Variants in LETM2 observed in about 807,000 individuals in gnomAD.
LETM2 encodes leucine zipper and EF-hand containing transmembrane protein 2.
In LETM2, 58 loss-of-function variants were observed where a neutral mutation model predicts 59.6. That is an observed-to-expected ratio of 0.97 (90% CI 0.79 to 1.21). The LOEUF (loss-of-function observed/expected upper bound fraction) is 1.21. Among genes scored for constraint, LETM2 ranks in the 50% most tolerant of loss-of-function variants. LETM2 has a pLI of 0.00. For synonymous variants in LETM2, 199 were observed against 214.1 expected, an observed-to-expected ratio of 0.93 and a Z score of 0.62; for missense variants, 572 against 575.7, an observed-to-expected ratio of 0.99 and a Z score of 0.07.
Position 38,400,850 on chromosome 8 carries a change from T to C in LETM2, c.784-3T>C, listed in dbSNP as rs771682738. On this transcript the variant is annotated splice_polypyrimidine_tract_variant and splice_region_variant and intron_variant, in intron 5 of 10. Transcript: ENST00000379957. Reference sequence around the variant, plus strand: ...TAATTGGCCTTTTTGTCCCACTGCATAGGTCCAGACAGGCCACAAGCCCAG... The same window carrying C: ...TAATTGGCCTTTTTGTCCCACTGCACAGGTCCAGACAGGCCACAAGCCCAG... 1 of 1,612,800 alleles carries C rather than the reference T, an allele frequency of 6.2e-7. No individual in the cohort carries two copies. The highest frequency in any genetic ancestry group is 8.5e-7 in the Non-Finnish European group (1 of 1,179,218).
chr8:38,408,534 ACCC>A lies in LETM2; in HGVS notation c.*264_*266del. ...CCCCACTCAACTTTGTATAAAGCCC[ACCC>A]CCCATCATGTTGTTTTTTTAGTTTC... On this transcript the variant is annotated 3_prime_UTR_variant, in exon 11 of 11. Coordinates refer to ENST00000379957, the MANE Select transcript of LETM2 (RefSeq NM_001286819.2). 3 of 348,954 alleles carry A rather than the reference ACCC, an allele frequency of 8.6e-6. No individual in the cohort carries two copies. The highest frequency in any genetic ancestry group is 1.1e-5 in the Non-Finnish European group (2 of 188,440). 21.6% of individuals were successfully genotyped at this position (348,954 alleles called of 1,614,324 possible). A position where few individuals can be genotyped will look rare whatever the true frequency, so the allele number is the denominator to read the frequency against.
At chr8:38,391,195 A>C (rs528754773) in intron 2 of LETM2, among the ~76,000 whole-genome samples, 73 of 140,962 alleles carry the variant, frequency 5.2e-4, no homozygotes, top group East Asian at 4.3e-3. Flanking sequence ...AAAAAAAAAA[A>C]AAACAAAAAA....
In LETM2 at chr8:38,404,840, C is replaced by T. The variant is rs563870546; in HGVS notation, c.1218+334C>T. ...ACTAAACATACAAAAATTAGCTGGG[C>T]GTGGTGGCGGGCGCCTGTAATCCCA... is the stretch of plus-strand genomic sequence containing the variant. On this transcript the variant is annotated intron_variant, in intron 8 of 10. Coordinates refer to ENST00000379957, the MANE Select transcript of LETM2 (RefSeq NM_001286819.2). 4 of 201,410 alleles carry T rather than the reference C, an allele frequency of 2.0e-5. No individual in the cohort carries two copies. The East Asian group carries it at 4.1e-4, about 20-fold the overall frequency. 12.5% of individuals were successfully genotyped at this position (201,410 alleles called of 1,614,324 possible). A position where few individuals can be genotyped will look rare whatever the true frequency, so the allele number is the denominator to read the frequency against.
At chr8:38,400,435 A>G in intron 5 of LETM2, 26 bp downstream of exon 5, 3 of 1,544,802 alleles carry the variant, frequency 1.9e-6, no homozygotes, top group Non-Finnish European at 2.6e-6. Flanking sequence ...GTAATGCCGA[A>G]CAACTTCGGG....
In LETM2 at chr8:38,407,432, C is replaced by G. The variant is rs370581255; in HGVS notation, c.1382C>G (p.Pro461Arg). The G allele has an allele frequency of 1.9e-6, 3 of 1,611,276 alleles. No individual in the cohort carries two copies. The African/African-American group carries it at 4.0e-5, about 22-fold the overall frequency. Reference sequence around the variant, plus strand: ...ACACCATCAACACCTATTTCATTACCTAAAGGACCCATCACTTCTTCTGAA... The same window carrying G: ...ACACCATCAACACCTATTTCATTACGTAAAGGACCCATCACTTCTTCTGAA... ...PITPSTPISL[P>R]KGPITSSEEP... Residue 461 changes from proline to arginine, a missense_variant, in exon 10 of 11, where the codon CCT becomes CGT. Pro to Arg is a moderately radical substitution (Grantham distance 103, BLOSUM62 -2). Transcript: ENST00000379957.
At chr8:38,385,700 T>TA (rs199675618), upstream of LETM2, among the ~76,000 whole-genome samples, 1,323 of 152,260 alleles carry the variant, frequency 8.7e-3, 19 homozygotes, top group African/African-American at 0.031. Flanking sequence ...CCAGCCTAAA[T>TA]AAAAAAAATT....
upstream of LETM2, among the ~76,000 whole-genome samples, chr8:38,383,710 C>T (rs1246214133): frequency 1.3e-5 from 2 of 151,824 alleles, no homozygotes; most frequent in East Asian, 1.9e-4. Flanking sequence ...GCAGGCGGAT[C>T]ACGAGGTCCG....
At position 38,392,733 on chromosome 8, in the gene LETM2, C is replaced by A; in HGVS notation, c.239C>A (p.Ser80Tyr). ...GTRLIQKLHT[S>Y]TCWLQEVPGK... The stretch of plus-strand genomic sequence containing the variant: ...AGACTAATACAAAAGCTACACACAT[C>A]CACTTGCTGGCTGCAAGAAGTTCCT... Residue 80 changes from serine (S) to tyrosine (Y), a missense_variant, in exon 3 of 11, where the codon TCC becomes TAC. Physicochemically the swap from Ser to Tyr is moderately radical, Grantham distance 144 (BLOSUM62 -2). Coordinates refer to ENST00000379957, the MANE Select transcript of LETM2 (RefSeq NM_001286819.2). The A allele has an allele frequency of 6.2e-7, 1 of 1,614,188 alleles. No individual in the cohort carries two copies. Among genetic ancestry groups the A allele is most frequent in the Non-Finnish European group, 8.5e-7 (1 of 1,180,034 alleles).
Position 38,392,447 on chromosome 8 carries a change from T to A in LETM2, c.48-95T>A, listed in dbSNP as rs975727124. On this transcript the variant is annotated intron_variant, in intron 2 of 10. Coordinates refer to ENST00000379957, the MANE Select transcript of LETM2 (RefSeq NM_001286819.2). ...AAAAAGCTGTTTTATTTTGACCAGA[T>A]GTACTATCTATTTCTTTAATAATAT... 20 of 809,078 alleles carry A rather than the reference T, an allele frequency of 2.5e-5. No individual in the cohort carries two copies. The African/African-American group carries it at 3.4e-4, about 14-fold the overall frequency. The allele number at this position is 809,078 out of a possible 1,614,324, so 50.1% of individuals were successfully genotyped here.
chr8:38,401,100 A>G, intron 6 of LETM2, 47 bp downstream of exon 6: 2 of 1,484,266 alleles, frequency 1.3e-6, no homozygotes, highest in Non-Finnish European at 1.9e-6. Flanking sequence ...GTTTTGGGAC[A>G]TACCTTAGGG....
intron 2 of LETM2, among the ~76,000 whole-genome samples, chr8:38,390,948 T>G (rs1812192973): frequency 6.6e-6 from 1 of 151,994 alleles, no homozygotes; most frequent in African/African-American, 2.4e-5. Flanking sequence ...CCCAAAGTGC[T>G]GGGATTACAG....
chr8:38,396,499 T>C (rs1213824925), intron 4 of LETM2, among the ~76,000 whole-genome samples: 2 of 152,166 alleles, frequency 1.3e-5, no homozygotes, highest in Non-Finnish European at 2.9e-5. Context: ...TGTCAGTATA[T>C]AGATTCATTT....
chr8:38,408,197 G>C lies in LETM2; in HGVS notation c.1414-15G>C, dbSNP rs1563402634. On this transcript the variant is annotated splice_polypyrimidine_tract_variant and intron_variant, in intron 10 of 10. Coordinates refer to ENST00000379957, the MANE Select transcript of LETM2 (RefSeq NM_001286819.2). ...TCTGTGACTAATGCCTACAGTCCTT[G>C]TTTTTTACGCCTAGACACTCCAGGC... The C allele has an allele frequency of 9.3e-6, 15 of 1,609,994 alleles. No individual in the cohort carries two copies. Among genetic ancestry groups the C allele is most frequent in the Non-Finnish European group, 1.3e-5 (15 of 1,177,806 alleles).
rs1035666893 is a variant in LETM2, at chr8:38,392,692, A to G, written c.198A>G (p.Val66=). The G allele has an allele frequency of 1.9e-6, 3 of 1,614,190 alleles. No homozygotes were observed. Among genetic ancestry groups the G allele is most frequent in the Non-Finnish European group, 2.5e-6 (3 of 1,180,034 alleles). The change falls in exon 3 of 11, where the codon GTA becomes GTG. Residue 66 remains valine, a synonymous_variant. Coordinates refer to ENST00000379957, the MANE Select transcript of LETM2 (RefSeq NM_001286819.2). ...ATCCTAGTCAGCCAGGCAATACAGT[A>G]CTTCACCCAGGAACTAGACTAATAC... ...YSDPSQPGNT[V]LHPGTRLIQK...
Position 38,399,647 on chromosome 8 carries a change from G to A in LETM2, c.646-625G>A, listed in dbSNP as rs184727858. Among the ~76,000 whole-genome samples the A allele has an allele frequency of 7.1e-3, 1,081 of 151,982 alleles. 10 individuals carry two copies. The highest frequency in any genetic ancestry group is 0.01 in the Middle Eastern group (3 of 294). Reference sequence around the variant, plus strand: ...TAAAAAATCAGCGGGGTGTGGTGGCGTGTACCTGTAATCCCAGCTATTCGA... The same window carrying A: ...TAAAAAATCAGCGGGGTGTGGTGGCATGTACCTGTAATCCCAGCTATTCGA... On this transcript the variant is annotated intron_variant, in intron 4 of 10. Coordinates refer to ENST00000379957, the MANE Select transcript of LETM2 (RefSeq NM_001286819.2).
chr8:38,392,426 A>G, intron 2 of LETM2, 116 bp from the exon 3 acceptor site: 2 of 726,164 alleles, frequency 2.8e-6, no homozygotes, highest in East Asian at 2.5e-5. Context: ...AAAAAAAAAA[A>G]GCTGTTTTAT....
At chr8:38,384,943 A>G (rs1265469257), upstream of LETM2, among the ~76,000 whole-genome samples, 4 of 152,268 alleles carry the variant, frequency 2.6e-5, no homozygotes, top group African/African-American at 9.6e-5. Context: ...CCAGAAAAGT[A>G]CCAGTACATG....
chr8:38,406,091 A>G (rs1044121151), intron 8 of LETM2, among the ~76,000 whole-genome samples: 1 of 152,100 alleles, frequency 6.6e-6, no homozygotes, highest in Admixed American at 6.6e-5. Flanking sequence ...GCACAGTGAT[A>G]TATGTTTTTC....
At chr8:38,403,394 C>T (rs1813414772) in intron 7 of LETM2, among the ~76,000 whole-genome samples, 1 of 152,210 alleles carries the variant, frequency 6.6e-6, no homozygotes, top group South Asian at 2.1e-4. Flanking sequence ...CGGGTCCTGG[C>T]AAAAATTTCA....
Sources: gnomAD v4.1 joint callset for allele counts (sites outside exome capture counted in the v4.1 genomes callset) on GRCh38, gnomAD v4.1.1 for gene constraint, MANE v1.5 for transcripts, NCBI Gene and HGNC (gene_info 2026-07-23, HGNC 2026-07-21) for gene names.